The following ENTREP2 variants were observed in gnomAD, a reference collection of about 807,000 sequenced individuals.
The protein encoded by ENTREP2 is protein ENTREP2.
chr15:29,657,036 C>CGTGGTGAGT, the ENTREP2 span, among the ~76,000 whole-genome samples: 1 of 152,086 alleles, frequency 6.6e-6, no homozygotes, highest in Non-Finnish European at 1.5e-5. Context: ...GCCGGGCCTT[C>CGTGGTGAGT]GTGGTGAGTG....
the ENTREP2 span, among the ~76,000 whole-genome samples, chr15:29,124,092 C>T: frequency 1.3e-5 from 2 of 152,156 alleles, no homozygotes; most frequent in East Asian, 3.9e-4. Flanking sequence ...GACCGCCCCC[C>T]CCATCATGCC....
chr15:29,213,324 G>T, the ENTREP2 span, among the ~76,000 whole-genome samples: 2 of 151,992 alleles, frequency 1.3e-5, no homozygotes, highest in African/African-American at 4.8e-5. Flanking sequence ...CCAATTCTGT[G>T]AAGAAAGTCA....
At chr15:29,487,979 C>G in the ENTREP2 span, among the ~76,000 whole-genome samples, 5 of 152,208 alleles carry the variant, frequency 3.3e-5, no homozygotes, top group African/African-American at 1.2e-4. Context: ...AAGTGTGAGC[C>G]ACCATGCCTG....
the ENTREP2 span, among the ~76,000 whole-genome samples, chr15:29,308,073 G>A: frequency 6.6e-6 from 1 of 152,100 alleles, no homozygotes; most frequent in Non-Finnish European, 1.5e-5. Context: ...ATTTTAAATT[G>A]AGTAAATTTC....
chr15:29,444,707 C>A, the ENTREP2 span, among the ~76,000 whole-genome samples: 1 of 152,048 alleles, frequency 6.6e-6, no homozygotes, highest in Non-Finnish European at 1.5e-5. Context: ...CCTTGTGATC[C>A]GCCCACCTCG....
At chr15:29,587,542 C>G in the ENTREP2 span, among the ~76,000 whole-genome samples, 1 of 152,124 alleles carries the variant, frequency 6.6e-6, no homozygotes, top group Non-Finnish European at 1.5e-5. Flanking sequence ...ACTGGTTGCC[C>G]TCAGAGGATG....
chr15:29,328,883 T>C, the ENTREP2 span, among the ~76,000 whole-genome samples: 5 of 152,194 alleles, frequency 3.3e-5, no homozygotes, highest in Admixed American at 1.3e-4. Context: ...TGTGTTGGTA[T>C]ACACTCATAT....
At chr15:29,371,262 T>C in the ENTREP2 span, among the ~76,000 whole-genome samples, 23 of 151,828 alleles carry the variant, frequency 1.5e-4, no homozygotes, top group East Asian at 3.9e-4. Context: ...CTTTCAAAGA[T>C]GGCCTTCACA....
chr15:29,565,912 G>A, the ENTREP2 span, among the ~76,000 whole-genome samples: 1 of 151,086 alleles, frequency 6.6e-6, no homozygotes, highest in Non-Finnish European at 1.5e-5. Flanking sequence ...AGTGAGCCGA[G>A]ATCACGCCAC....
chr15:29,608,864 GCCT>G, the ENTREP2 span, among the ~76,000 whole-genome samples: 1 of 152,078 alleles, frequency 6.6e-6, no homozygotes, highest in African/African-American at 2.4e-5. Flanking sequence ...ACCGTGCCTG[GCCT>G]CCTCCTGCCT....
At chr15:29,382,891 C>G in the ENTREP2 span, among the ~76,000 whole-genome samples, 3 of 152,144 alleles carry the variant, frequency 2.0e-5, no homozygotes, top group African/African-American at 7.2e-5. Context: ...GAAACTTCTC[C>G]CAAGGTTCCC....
chr15:29,656,809 C>A, the ENTREP2 span, among the ~76,000 whole-genome samples: 1 of 152,162 alleles, frequency 6.6e-6, no homozygotes, highest in Non-Finnish European at 1.5e-5. Flanking sequence ...TAAAGTTAAG[C>A]ATGTACTTAC....
chr15:29,509,608 C>T, the ENTREP2 span, among the ~76,000 whole-genome samples: 1 of 152,150 alleles, frequency 6.6e-6, no homozygotes, highest in African/African-American at 2.4e-5. Flanking sequence ...CACACAACTA[C>T]AACCAAATGA....
chr15:29,527,243 G>A, the ENTREP2 span, among the ~76,000 whole-genome samples: 72 of 152,120 alleles, frequency 4.7e-4, no homozygotes, highest in African/African-American at 1.7e-3. Flanking sequence ...GCACCTGCTC[G>A]CTCTGTTTCA....
chr15:29,285,912 T>C, the ENTREP2 span, among the ~76,000 whole-genome samples: 1 of 152,166 alleles, frequency 6.6e-6, no homozygotes, highest in East Asian at 1.9e-4. Context: ...ATCAAGATAA[T>C]TCACCATATT....
chr15:29,311,418 G>A, the ENTREP2 span, among the ~76,000 whole-genome samples: 1 of 152,156 alleles, frequency 6.6e-6, no homozygotes, highest in Non-Finnish European at 1.5e-5. Context: ...GGCCAGATAT[G>A]GTGGCTCACA....
the ENTREP2 span, among the ~76,000 whole-genome samples, chr15:29,206,111 C>T: frequency 3.3e-5 from 5 of 152,150 alleles, no homozygotes; most frequent in African/African-American, 1.2e-4. Flanking sequence ...GACGGGGTGG[C>T]TTATAAACAG....
chr15:29,395,292 T>C, the ENTREP2 span, among the ~76,000 whole-genome samples: 1 of 152,048 alleles, frequency 6.6e-6, no homozygotes, highest in Non-Finnish European at 1.5e-5. Context: ...CTTTTAGCTA[T>C]GAGGATAATG....
chr15:29,663,075 A>T, the ENTREP2 span, among the ~76,000 whole-genome samples: 3 of 152,180 alleles, frequency 2.0e-5, no homozygotes, highest in East Asian at 3.9e-4. Flanking sequence ...TGAGCTCTGT[A>T]CCCACTAGGG....
Sources: gnomAD v4.1 joint callset for allele counts (sites outside exome capture counted in the v4.1 genomes callset) on GRCh38, gnomAD v4.1.1 for gene constraint, MANE v1.5 for transcripts, NCBI Gene and HGNC (gene_info 2026-07-23, HGNC 2026-07-21) for gene names.